Variants in MAGI2 observed in about 807,000 individuals in gnomAD.
The protein encoded by MAGI2 is membrane-associated guanylate kinase, WW and PDZ domain-containing protein 2.
Under a neutral mutation model 133.3 loss-of-function variants are expected in MAGI2, and 35 were observed. The ratio of observed to expected loss-of-function variants is 0.26; its 90% CI spans 0.20 to 0.35. The LOEUF is 0.35. Among genes scored for constraint, MAGI2 ranks in the 10% least tolerant of loss-of-function variants. The pLI is 1.00. For missense variants in MAGI2, 1,636 were observed against 1,863.4 expected (o/e 0.88, Z 2.25); for synonymous variants, 729 against 710.6 (o/e 1.03, Z -0.41).
At chr7:78,555,006 T>G (rs565154052) in intron 3 of MAGI2, among the ~76,000 whole-genome samples, 109 of 151,748 alleles carry the variant, frequency 7.2e-4, no homozygotes, top group Non-Finnish European at 1.1e-3. Context: ...AAAATTAAAA[T>G]CAGCCAGGTA....
chr7:78,539,717 T>A (rs1350714268), intron 3 of MAGI2, among the ~76,000 whole-genome samples: 1 of 152,206 alleles, frequency 6.6e-6, no homozygotes, highest in Non-Finnish European at 1.5e-5. Context: ...TACTGGGGAA[T>A]GTCTGCAAAG....
chr7:79,389,309 A>T (rs1844435418), intron 1 of MAGI2, among the ~76,000 whole-genome samples: 1 of 152,178 alleles, frequency 6.6e-6, no homozygotes, highest in African/African-American at 2.4e-5. Flanking sequence ...GATGATAAGT[A>T]TCATAAAATT....
At chr7:78,199,289 T>C (rs1184479552) in intron 11 of MAGI2, among the ~76,000 whole-genome samples, 1 of 152,218 alleles carries the variant, frequency 6.6e-6, no homozygotes, top group Non-Finnish European at 1.5e-5. Flanking sequence ...TATACTTGTT[T>C]TGATTAATAG....
At chr7:79,303,598 A>G (rs1213418983) in intron 1 of MAGI2, among the ~76,000 whole-genome samples, 1 of 152,188 alleles carries the variant, frequency 6.6e-6, no homozygotes, top group Non-Finnish European at 1.5e-5. Context: ...TGATGCTCAG[A>G]ATTTAAGGTT....
chr7:78,947,548 TC>T (rs1185078785), intron 2 of MAGI2, among the ~76,000 whole-genome samples: 1 of 152,126 alleles, frequency 6.6e-6, no homozygotes, highest in African/African-American at 2.4e-5. Flanking sequence ...ACATGGCCCT[TC>T]TCAGCTCTGT....
At chr7:78,543,082 A>G (rs1451245010) in intron 3 of MAGI2, among the ~76,000 whole-genome samples, 3 of 152,210 alleles carry the variant, frequency 2.0e-5, no homozygotes, top group African/African-American at 4.8e-5. Flanking sequence ...ATTCAACTAG[A>G]GACTCTAAGA....
intron 2 of MAGI2, among the ~76,000 whole-genome samples, chr7:78,930,196 A>G (rs1254945347): frequency 3.3e-5 from 5 of 152,170 alleles, no homozygotes; most frequent in Non-Finnish European, 5.9e-5. Context: ...AAGCAGAAGC[A>G]AATTACTCAA....
chr7:79,309,627 T>C (rs988955387), intron 1 of MAGI2, among the ~76,000 whole-genome samples: 3 of 152,040 alleles, frequency 2.0e-5, no homozygotes, highest in African/African-American at 4.8e-5. Flanking sequence ...ACACGGTATA[T>C]AATCTGTCTA....
chr7:78,822,480 CT>C (rs1790214980), intron 2 of MAGI2, among the ~76,000 whole-genome samples: 1 of 151,962 alleles, frequency 6.6e-6, no homozygotes, highest in Non-Finnish European at 1.5e-5. Flanking sequence ...TGTTATTGCT[CT>C]TCTAAACTGG....
chr7:78,665,419 G>A (rs989449919), intron 2 of MAGI2, among the ~76,000 whole-genome samples: 9 of 152,150 alleles, frequency 5.9e-5, no homozygotes, highest in Admixed American at 3.9e-4. Context: ...AAGGTAGGCA[G>A]TGCAAAGGAT....
At chr7:78,413,828 C>T (rs1039162331) in intron 6 of MAGI2, among the ~76,000 whole-genome samples, 6 of 151,752 alleles carry the variant, frequency 4.0e-5, no homozygotes, top group Non-Finnish European at 5.9e-5. Context: ...TTCCAGAAGA[C>T]GAAAGAAAAT....
At chr7:79,210,525 G>T (rs1461992148) in intron 1 of MAGI2, among the ~76,000 whole-genome samples, 2 of 151,982 alleles carry the variant, frequency 1.3e-5, no homozygotes, top group Non-Finnish European at 1.5e-5. Flanking sequence ...GCCCACCTAA[G>T]TGTTAGTTGA....
chr7:79,220,905 G>T (rs1180921959), intron 1 of MAGI2, among the ~76,000 whole-genome samples: 2 of 152,028 alleles, frequency 1.3e-5, no homozygotes, highest in African/African-American at 2.4e-5. Flanking sequence ...CACCTGAAGA[G>T]ATCTGAATTT....
chr7:79,283,058 T>G (rs1204130692), intron 1 of MAGI2, among the ~76,000 whole-genome samples: 1 of 152,140 alleles, frequency 6.6e-6, no homozygotes, highest in Non-Finnish European at 1.5e-5. Flanking sequence ...AATATGCTAC[T>G]GATTTTTGTA....
chr7:78,434,076 CTCTT>C (rs1800050874), intron 6 of MAGI2, among the ~76,000 whole-genome samples: 1 of 152,106 alleles, frequency 6.6e-6, no homozygotes, highest in Non-Finnish European at 1.5e-5. Context: ...TCCACATGCT[CTCTT>C]TTTTTCAGAT....
chr7:78,740,528 C>T (rs1822310984), intron 2 of MAGI2, among the ~76,000 whole-genome samples: 1 of 152,072 alleles, frequency 6.6e-6, no homozygotes, highest in Non-Finnish European at 1.5e-5. Flanking sequence ...GTCTGATTGT[C>T]TCATTAAATA....
intron 2 of MAGI2, among the ~76,000 whole-genome samples, chr7:78,765,314 C>T (rs1824903650): frequency 7.0e-6 from 1 of 143,376 alleles, no homozygotes; most frequent in South Asian, 2.3e-4. Flanking sequence ...TTCATTCAGT[C>T]AGTCATTTAA....
chr7:78,033,488 A>AAG (rs1375276546), intron 21 of MAGI2, among the ~76,000 whole-genome samples: 5 of 151,438 alleles, frequency 3.3e-5, no homozygotes, highest in African/African-American at 9.7e-5. Context: ...AAAAAAAAAA[A>AAG]AAAAGAAAAA....
In MAGI2 at chr7:79,186,235, TA is replaced by T. The variant is rs1562973224; in HGVS notation, c.302-179030del. Among the ~76,000 whole-genome samples the T allele has an allele frequency of 6.3e-4, 46 of 73,258 alleles. 2 individuals carry two copies. The highest frequency in any genetic ancestry group is 1.6e-3 in the African/African-American group (43 of 27,684). 48.1% of individuals were successfully genotyped at this position (73,258 alleles called of 152,430 possible). Reference sequence around the variant, plus strand: ...ATATATATATATATATATATATATATATATATATTTATATTTATTTATTTAT... The same window carrying T: ...ATATATATATATATATATATATATATTATATATTTATATTTATTTATTTAT... On this transcript the variant is annotated intron_variant, in intron 1 of 21. Coordinates refer to ENST00000354212, the MANE Select transcript of MAGI2 (RefSeq NM_012301.4).
Sources: allele counts gnomAD v4.1 joint callset (sites outside exome capture counted in the v4.1 genomes callset), GRCh38; gene constraint gnomAD v4.1.1; transcripts MANE v1.5; gene names NCBI Gene and HGNC (gene_info 2026-07-23, HGNC 2026-07-21).